Variants in CCNC observed in about 807,000 individuals in gnomAD.
The protein encoded by CCNC is cyclin C, also known as cyclin-C.
A neutral mutation model predicts 50.0 loss-of-function variants in CCNC; 19 were observed. The ratio of observed to expected loss-of-function variants is 0.38; its 90% CI spans 0.27 to 0.56. The LOEUF (loss-of-function observed/expected upper bound fraction) is 0.56. Among genes scored for constraint, CCNC ranks in the 20% least tolerant of loss-of-function variants. The pLI is 0.72. For synonymous variants in CCNC, 93 were observed against 103.7 expected (o/e 0.90, Z 0.63); for missense variants, 200 against 327.1 (o/e 0.61, Z 3.00).
At chr6:99,552,919 G>A (rs1185362411) in intron 5 of CCNC, among the ~76,000 whole-genome samples, 2 of 152,068 alleles carry the variant, frequency 1.3e-5, no homozygotes, top group Non-Finnish European at 2.9e-5. Context: ...GCATGCACCT[G>A]TAGTCCCGGC....
chr6:99,544,036 C>G, intron 11 of CCNC: 2 of 1,149,072 alleles, frequency 1.7e-6, no homozygotes, highest in Non-Finnish European at 2.2e-6. Flanking sequence ...AAAACCAAAA[C>G]TGTTGTCCAA....
chr6:99,550,805 A>G, intron 7 of CCNC, 188 bp downstream of exon 7: 1 of 303,390 alleles, frequency 3.3e-6, no homozygotes, highest in Middle Eastern at 1.0e-3. Context: ...TAAGTAGGAT[A>G]TACAAATTAT....
intron 1 of CCNC, among the ~76,000 whole-genome samples, chr6:99,563,328 G>C (rs146997113): frequency 2.0e-5 from 3 of 152,306 alleles, no homozygotes; most frequent in East Asian, 3.9e-4. Flanking sequence ...TGGTGGCTTA[G>C]ATTTGAGGAA....
intron 11 of CCNC, chr6:99,544,196 G>A (rs554637022): frequency 5.1e-5 from 78 of 1,522,756 alleles, no homozygotes; most frequent in Non-Finnish European, 6.5e-5. Flanking sequence ...TTTGGCAATA[G>A]GATTATTGCC....
chr6:99,545,556 A>C (rs1025440098), intron 10 of CCNC, among the ~76,000 whole-genome samples: 1 of 152,238 alleles, frequency 6.6e-6, no homozygotes, highest in African/African-American at 2.4e-5. Flanking sequence ...ACACTCCTCT[A>C]GTATAAATTA....
intron 6 of CCNC, 48 bp downstream of exon 6, chr6:99,551,792 G>A (rs1562489584): frequency 8.5e-7 from 1 of 1,173,368 alleles, no homozygotes; most frequent in African/African-American, 1.6e-5. Context: ...AATAGAGCTA[G>A]TTTATATATA....
intron 5 of CCNC, among the ~76,000 whole-genome samples, chr6:99,554,967 G>C (rs746453985): frequency 1.1e-4 from 17 of 152,030 alleles, no homozygotes; most frequent in Non-Finnish European, 2.1e-4. Flanking sequence ...ATTGTATTAA[G>C]GTACACGAGT....
At chr6:99,568,737 C>T (rs887116129), upstream of CCNC, 10 of 1,400,912 alleles carry the variant, frequency 7.1e-6, no homozygotes, top group African/African-American at 1.2e-4. Flanking sequence ...CCGTTCCTAT[C>T]GACAAAAGTT....
chr6:99,559,256 T>C (rs1802674404), intron 4 of CCNC, among the ~76,000 whole-genome samples: 1 of 151,648 alleles, frequency 6.6e-6, no homozygotes, highest in Non-Finnish European at 1.5e-5. Flanking sequence ...AGGAATTACG[T>C]AAGACTTCCA....
At chr6:99,549,201 T>C in intron 9 of CCNC, 1 of 419,838 alleles carries the variant, frequency 2.4e-6, no homozygotes, top group Non-Finnish European at 4.4e-6. Context: ...CTACAACTAA[T>C]ATTAGCTGGC....
chr6:99,550,363 A>C, intron 7 of CCNC, 54 bp from the exon 8 acceptor site: 1 of 1,235,812 alleles, frequency 8.1e-7, no homozygotes, highest in South Asian at 1.3e-5. Flanking sequence ...ATTACAACAC[A>C]AAAATGTTAT....
Position 99,561,356 on chromosome 6 carries a change from T to C in CCNC, c.294+11A>G. The C allele has an allele frequency of 6.3e-7, 1 of 1,578,474 alleles. No homozygotes were observed. Among genetic ancestry groups the C allele is most frequent in the Non-Finnish European group, 8.7e-7 (1 of 1,148,424 alleles). On this transcript the variant is annotated intron_variant, in intron 4 of 11. Coordinates refer to ENST00000520429, the MANE Select transcript of CCNC (RefSeq NM_005190.4). ...CTACACTTTGATGAAGAACAGAAAA[T>C]TGTTTTATACCTCTACTTTGGATGC...
intron 5 of CCNC, among the ~76,000 whole-genome samples, chr6:99,557,006 G>A (rs1451802696): frequency 2.6e-5 from 4 of 152,166 alleles, no homozygotes; most frequent in African/African-American, 4.8e-5. Flanking sequence ...CTGAAATTAG[G>A]TAAGGAGTTT....
Position 99,561,288 on chromosome 6 carries a change from T to G in CCNC, c.294+79A>C, listed in dbSNP as rs1483957428. The G allele has an allele frequency of 6.9e-6, 6 of 869,064 alleles. No individual in the cohort carries two copies. The Admixed American group carries it at 7.8e-5, about 11-fold the overall frequency. 53.8% of individuals were successfully genotyped at this position (869,064 alleles called of 1,614,324 possible). On this transcript the variant is annotated intron_variant, in intron 4 of 11. Coordinates refer to ENST00000520429, the MANE Select transcript of CCNC (RefSeq NM_005190.4). ...TAAATTACCATTTATTAATTTTACA[T>G]AGGCCATGTGAAAACTGGGGCAGAT...
chr6:99,560,395 G>A lies in CCNC; in HGVS notation c.294+972C>T, dbSNP rs180776678. Among the ~76,000 whole-genome samples, 16 of 152,206 alleles carry A rather than the reference G, an allele frequency of 1.1e-4. No homozygotes were observed. The East Asian group carries it at 3.1e-3, about 29-fold the overall frequency. On this transcript the variant is annotated intron_variant, in intron 4 of 11. Transcript: ENST00000520429. ...AATATTATTTCTAACAGAGTCAATT[G>A]TCATTATTTAGGTAACAGTTGGGAA...
chr6:99,552,246 CAG>C (rs1050996718), intron 5 of CCNC, among the ~76,000 whole-genome samples: 5 of 151,984 alleles, frequency 3.3e-5, no homozygotes, highest in Non-Finnish European at 7.4e-5. Context: ...AGAAGGAACA[CAG>C]GGGTTACATA....
chr6:99,564,087 T>C (rs564609617), intron 1 of CCNC, among the ~76,000 whole-genome samples: 5 of 152,280 alleles, frequency 3.3e-5, no homozygotes, highest in East Asian at 1.9e-4. Context: ...AAAAACATTA[T>C]ACCAATTTCC....
chr6:99,544,083 T>A (rs941803930), intron 11 of CCNC: 25 of 1,384,850 alleles, frequency 1.8e-5, no homozygotes, highest in Non-Finnish European at 2.3e-5. Context: ...CAGCAAACCT[T>A]TATAAGTCAG....
At chr6:99,543,844 T>C (rs1801966310) in intron 11 of CCNC, 4 of 1,359,954 alleles carry the variant, frequency 2.9e-6, no homozygotes, top group Non-Finnish European at 3.8e-6. Flanking sequence ...TTCTGGAAGT[T>C]AGTGTCCATA....
Sources: allele counts gnomAD v4.1 joint callset (sites outside exome capture counted in the v4.1 genomes callset), GRCh38; gene constraint gnomAD v4.1.1; transcripts MANE v1.5; gene names NCBI Gene and HGNC (gene_info 2026-07-23, HGNC 2026-07-21).